The following MTMR10 variants were observed in gnomAD, a reference collection of about 807,000 sequenced individuals.
MTMR10 encodes myotubularin-related protein 10.
Under a neutral mutation model 88.1 loss-of-function variants are expected in MTMR10, and 56 were observed. The ratio of observed to expected loss-of-function variants is 0.64; its 90% CI spans 0.51 to 0.79. The LOEUF (loss-of-function observed/expected upper bound fraction) is 0.79, where lower values mean the gene tolerates loss of function less well. Ranked by LOEUF, MTMR10 falls within the 30% of genes least tolerant of loss-of-function variation. The probability of loss-of-function intolerance (pLI) is 0.00; values close to 1 mark genes in which losing one functional copy is unlikely to be tolerated. For synonymous variants in MTMR10, 380 were observed against 340.9 expected (o/e 1.11, Z -1.26); for missense variants, 883 against 924.7 (o/e 0.95, Z 0.58).
chr15:30,986,980 C>T (rs893292085), intron 2 of MTMR10, among the ~76,000 whole-genome samples: 2 of 152,154 alleles, frequency 1.3e-5, no homozygotes, highest in East Asian at 1.9e-4. Context: ...AACATATATA[C>T]ACACACACAC....
chr15:30,941,576 G>GGAGAAAATGGAAATGAGGAGGA lies in MTMR10; in HGVS notation c.2206_2227dup (p.Pro743LeufsTer36). ...GCTTCGTCTGCACAGATTCCCTACA[G>GGAGAAAATGGAAATGAGGAGGA]GAGAAAATGGAAATGAGGAGGAGAG... On this transcript the variant is annotated frameshift_variant, in exon 16 of 16. Transcript: ENST00000435680. LOFTEE classifies it high-confidence loss of function. 1 of 1,600,274 alleles carries GGAGAAAATGGAAATGAGGAGGA rather than the reference G, an allele frequency of 6.2e-7. No homozygotes were observed.
chr15:30,922,403 AC>A, the MTMR10 span: 2 of 1,554,708 alleles, frequency 1.3e-6, no homozygotes, highest in East Asian at 4.5e-5. Context: ...TTTAGAATCA[AC>A]TTTTAAAATA....
At chr15:30,957,882 T>C (rs2063349367) in intron 9 of MTMR10, among the ~76,000 whole-genome samples, 2 of 152,062 alleles carry the variant, frequency 1.3e-5, no homozygotes, top group Non-Finnish European at 2.9e-5. Flanking sequence ...GAGGAAATGA[T>C]AGCACTTATA....
chr15:30,925,977 G>A, the MTMR10 span: 261 of 1,608,246 alleles, frequency 1.6e-4, no homozygotes, highest in Middle Eastern at 3.3e-4. Context: ...ACCCAGCCCC[G>A]GGTGGACGAG....
chr15:30,965,484 A>G (rs77803080), intron 6 of MTMR10, among the ~76,000 whole-genome samples: 7,909 of 152,310 alleles, frequency 0.052, 304 homozygotes, highest in Admixed American at 0.13. Context: ...ACATCTTATC[A>G]ATTCTATAAG....
intron 15 of MTMR10, 23 bp from the exon 16 acceptor site, chr15:30,942,095 T>C (rs2063074462): frequency 1.3e-6 from 2 of 1,586,646 alleles, no homozygotes; most frequent in Non-Finnish European, 1.7e-6. Flanking sequence ...GATTTTATTA[T>C]GTTCCGGGGA....
chr15:30,936,051 T>C (rs1294517585), downstream of MTMR10, among the ~76,000 whole-genome samples: 1 of 152,152 alleles, frequency 6.6e-6, no homozygotes, highest in Admixed American at 6.5e-5. Context: ...GGGACTCTAA[T>C]TAAATGTCCC....
chr15:30,937,634 TAG>T (rs2062898893), downstream of MTMR10, among the ~76,000 whole-genome samples: 6 of 151,788 alleles, frequency 4.0e-5, no homozygotes, highest in South Asian at 1.3e-3. Context: ...GTATTTTTAG[TAG>T]AGACGGGGTT....
At chr15:30,925,702 G>A in the MTMR10 span, 4 of 1,430,262 alleles carry the variant, frequency 2.8e-6, no homozygotes, top group South Asian at 5.0e-5. Context: ...TGTGGTAAGG[G>A]AGGTCAATCC....
At chr15:30,953,429 C>T (rs547548466) in intron 11 of MTMR10, 133 bp downstream of exon 11, 10 of 671,600 alleles carry the variant, frequency 1.5e-5, no homozygotes, top group East Asian at 5.5e-5. Context: ...ACTCTAGTTA[C>T]GAGATGTTAC....
At chr15:30,926,419 G>T in the MTMR10 span, 2 of 179,194 alleles carry the variant, frequency 1.1e-5, no homozygotes, top group African/African-American at 4.8e-5. Context: ...CGGGCTGCAG[G>T]GTTACCAGTG....
At chr15:30,981,321 A>T (rs2030554342) in intron 2 of MTMR10, among the ~76,000 whole-genome samples, 1 of 152,266 alleles carries the variant, frequency 6.6e-6, no homozygotes, top group Non-Finnish European at 1.5e-5. Context: ...AAGGAAAAAC[A>T]GTCACTTTCT....
chr15:30,991,362 G>A lies in MTMR10; in HGVS notation c.60+85C>T, dbSNP rs2031315331. 5.4e-6 allele frequency: 7 copies of A among 1,304,850 alleles called. No homozygotes were observed. The South Asian group carries it at 1.2e-4, about 23-fold the overall frequency. 80.8% of individuals were successfully genotyped at this position (1,304,850 alleles called of 1,614,324 possible). A position where few individuals can be genotyped will look rare whatever the true frequency, so the allele number is the denominator to read the frequency against. On this transcript the variant is annotated intron_variant, in intron 1 of 15. Coordinates refer to ENST00000435680, the MANE Select transcript of MTMR10 (RefSeq NM_017762.3). ...GCAGGGAGACGCGCGCAGCCTCCTG[G>A]GGTCCTCCAGTTCCCGGGGGTCGGC...
At position 30,939,964 on chromosome 15, in the gene MTMR10, C is replaced by T. The variant is rs2062983068; in HGVS notation, c.*1506G>A. The T allele has an allele frequency of 2.0e-6, 2 of 982,432 alleles. No individual in the cohort carries two copies. The highest frequency in any genetic ancestry group is 2.4e-6 in the Non-Finnish European group (2 of 827,384). 60.9% of individuals were successfully genotyped at this position (982,432 alleles called of 1,614,324 possible). On this transcript the variant is annotated 3_prime_UTR_variant, in exon 16 of 16. Transcript: ENST00000435680. ...TTTAAGAACTCCTGTCCTGTTATAT[C>T]CAGAGACATTATCAAATTTTAAAAG...
intron 6 of MTMR10, among the ~76,000 whole-genome samples, chr15:30,961,336 C>T (rs932904226): frequency 2.0e-5 from 3 of 152,124 alleles, no homozygotes; most frequent in African/African-American, 7.2e-5. Context: ...CGGGTTCAAG[C>T]TATTCTCCTG....
At chr15:30,963,772 G>GT (rs1426803883) in intron 6 of MTMR10, among the ~76,000 whole-genome samples, 1 of 152,152 alleles carries the variant, frequency 6.6e-6, no homozygotes, top group Non-Finnish European at 1.5e-5. Context: ...ACTAAAAAGC[G>GT]TGTCTGTGAG....
chr15:30,968,454 G>A (rs2063497511), intron 5 of MTMR10, among the ~76,000 whole-genome samples: 1 of 151,504 alleles, frequency 6.6e-6, no homozygotes, highest in Non-Finnish European at 1.5e-5. Context: ...TCTAAATAGA[G>A]AAACATAATT....
the MTMR10 span, among the ~76,000 whole-genome samples, chr15:30,924,752 G>A: frequency 8.2e-5 from 12 of 146,214 alleles, no homozygotes; most frequent in South Asian, 1.7e-3. Flanking sequence ...GTGTGGATCC[G>A]GGGTGGGACA....
chr15:30,929,717 T>TATA, the MTMR10 span, among the ~76,000 whole-genome samples: 53 of 64,328 alleles, frequency 8.2e-4, 2 homozygotes, highest in Middle Eastern at 6.8e-3. Context: ...TCATATATAA[T>TATA]ATATATAAAA....
Sources: gnomAD v4.1 joint callset for allele counts (sites outside exome capture counted in the v4.1 genomes callset) on GRCh38, gnomAD v4.1.1 for gene constraint, MANE v1.5 for transcripts, NCBI Gene and HGNC (gene_info 2026-07-23, HGNC 2026-07-21) for gene names.